Variants in ANXA8 observed in about 807,000 individuals in gnomAD.
The protein encoded by ANXA8 is annexin A8.
In ANXA8, 9 loss-of-function variants were observed where a neutral mutation model predicts 26.8. The ratio of observed to expected loss-of-function variants is 0.34; its 90% confidence interval spans 0.20 to 0.59. The LOEUF (loss-of-function observed/expected upper bound fraction) is 0.59, where lower values mean the gene tolerates loss of function less well. ANXA8 is among the 20% of genes least tolerant of loss of function. The pLI is 0.84. For synonymous variants in ANXA8, 39 were observed against 94.8 expected, an observed-to-expected ratio of 0.41 and a Z score of 3.42; for missense variants, 83 against 238.5, an observed-to-expected ratio of 0.35 and a Z score of 4.29.
the ANXA8 span, among the ~76,000 whole-genome samples, chr10:47,558,652 C>G: frequency 6.6e-6 from 1 of 151,510 alleles, no homozygotes; most frequent in Non-Finnish European, 1.5e-5. Context: ...TCCCAATGTG[C>G]TAGGACTACA....
At chr10:47,667,167 T>C in the ANXA8 span, among the ~76,000 whole-genome samples, 1 of 152,034 alleles carries the variant, frequency 6.6e-6, no homozygotes, top group African/African-American at 2.4e-5. Flanking sequence ...TTCTGTTTCT[T>C]CTCCTCTTAT....
chr10:47,495,901 G>A, the ANXA8 span, among the ~76,000 whole-genome samples: 1 of 151,590 alleles, frequency 6.6e-6, no homozygotes, highest in Non-Finnish European at 1.5e-5. Context: ...CCCTCAGAGT[G>A]AGAACGCAGA....
the ANXA8 span, among the ~76,000 whole-genome samples, chr10:47,566,399 A>T: frequency 1.3e-5 from 2 of 151,512 alleles, no homozygotes; most frequent in East Asian, 3.9e-4. Flanking sequence ...AAAAAAAAAA[A>T]ACTTTCTTGC....
the ANXA8 span, among the ~76,000 whole-genome samples, chr10:47,754,953 CTT>C: frequency 3.6e-5 from 1 of 27,906 alleles, no homozygotes; most frequent in African/African-American, 8.0e-5. Context: ...CTTTCTTTTT[CTT>C]TTCTTTTCTT....
At chr10:47,645,234 A>T in the ANXA8 span, among the ~76,000 whole-genome samples, 5 of 147,980 alleles carry the variant, frequency 3.4e-5, no homozygotes, top group African/African-American at 1.3e-4. Context: ...ATCTGAGCTT[A>T]TGAAAGCCCA....
the ANXA8 span, among the ~76,000 whole-genome samples, chr10:47,974,263 C>T: frequency 4.0e-5 from 6 of 148,218 alleles, no homozygotes; most frequent in South Asian, 2.2e-4. Flanking sequence ...TTTGTCATTT[C>T]TGACAGTACT....
At chr10:47,555,491 T>C in the ANXA8 span, among the ~76,000 whole-genome samples, 2 of 151,926 alleles carry the variant, frequency 1.3e-5, no homozygotes, top group African/African-American at 4.8e-5. Flanking sequence ...CTAGGTACAC[T>C]TTTCCTGTTC....
chr10:47,987,027 T>TCCGGGGAGCACAGGCAGC, the ANXA8 span: 2 of 544,288 alleles, frequency 3.7e-6, no homozygotes, highest in Non-Finnish European at 7.2e-6. Context: ...AAAGGGGCCG[T>TCCGGGGAGCACAGGCAGC]CCGGGGAGCA....
chr10:47,939,145 G>A, the ANXA8 span, among the ~76,000 whole-genome samples: 2 of 145,590 alleles, frequency 1.4e-5, no homozygotes, highest in South Asian at 4.3e-4. Context: ...CTCTACTAAA[G>A]ATAAAAAATT....
the ANXA8 span, among the ~76,000 whole-genome samples, chr10:47,647,148 T>C: frequency 6.6e-6 from 1 of 152,378 alleles, no homozygotes; most frequent in South Asian, 2.1e-4. Context: ...TTCTCTTTCA[T>C]AATGCTTCTT....
the ANXA8 span, among the ~76,000 whole-genome samples, chr10:47,647,883 A>G: frequency 6.6e-6 from 1 of 151,958 alleles, no homozygotes; most frequent in African/African-American, 2.4e-5. Context: ...TGTGGAAAGC[A>G]AAGAAAATGA....
the ANXA8 span, among the ~76,000 whole-genome samples, chr10:47,566,423 G>T: frequency 3.3e-4 from 49 of 150,496 alleles, 2 homozygotes; most frequent in Middle Eastern, 0.017. Context: ...AAACTGAGCC[G>T]CAGAAACCCC....
At chr10:47,678,802 G>T in the ANXA8 span, among the ~76,000 whole-genome samples, 3 of 149,892 alleles carry the variant, frequency 2.0e-5, no homozygotes, top group Non-Finnish European at 3.0e-5. Flanking sequence ...GCACTTTGGG[G>T]GGCCGAGGGG....
chr10:47,691,618 A>AT, the ANXA8 span, among the ~76,000 whole-genome samples: 1 of 150,276 alleles, frequency 6.7e-6, no homozygotes, highest in Admixed American at 6.6e-5. Context: ...CAAAAAATAA[A>AT]TTAAGTTTTG....
chr10:47,687,485 G>A, the ANXA8 span, among the ~76,000 whole-genome samples: 3 of 151,804 alleles, frequency 2.0e-5, no homozygotes, highest in South Asian at 2.1e-4. Context: ...GGCTGGTCTC[G>A]GACTCCTGAT....
chr10:47,653,049 C>G, the ANXA8 span, among the ~76,000 whole-genome samples: 3 of 151,072 alleles, frequency 2.0e-5, no homozygotes, highest in African/African-American at 7.4e-5. Flanking sequence ...CAGTGGCTCA[C>G]GCCTATAATC....
chr10:47,554,786 G>A, the ANXA8 span, among the ~76,000 whole-genome samples: 1 of 152,086 alleles, frequency 6.6e-6, no homozygotes, highest in African/African-American at 2.4e-5. Flanking sequence ...TATACTGGGT[G>A]CTGCACTAGG....
At chr10:47,948,825 C>T in the ANXA8 span, among the ~76,000 whole-genome samples, 7 of 151,746 alleles carry the variant, frequency 4.6e-5, no homozygotes, top group Non-Finnish European at 8.8e-5. Flanking sequence ...AATCCAATTG[C>T]TAAATGCCAG....
At chr10:47,541,913 A>G in the ANXA8 span, among the ~76,000 whole-genome samples, 2 of 129,908 alleles carry the variant, frequency 1.5e-5, no homozygotes, top group African/African-American at 5.6e-5. Flanking sequence ...CAAAAAAGCA[A>G]CCTATGGAAG....
Sources: gnomAD v4.1 joint callset for allele counts (sites outside exome capture counted in the v4.1 genomes callset) on GRCh38, gnomAD v4.1.1 for gene constraint, MANE v1.5 for transcripts, NCBI Gene and HGNC (gene_info 2026-07-23, HGNC 2026-07-21) for gene names.